Variants in ZCCHC10 observed in about 807,000 individuals in gnomAD.
ZCCHC10 encodes zinc finger CCHC domain-containing protein 10.
ZCCHC10 carries 16 observed loss-of-function variants against 19.5 expected under a neutral mutation model. The observed-to-expected ratio is 0.82, with a 90% CI of 0.56 to 1.25. ZCCHC10 has a LOEUF of 1.25. Among genes scored for constraint, ZCCHC10 ranks in the 50% most tolerant of loss-of-function variants. ZCCHC10 has a pLI of 0.00. For missense variants in ZCCHC10, 197 were observed against 201.0 expected (o/e 0.98, Z 0.12); for synonymous variants, 67 against 72.5 (o/e 0.92, Z 0.38).
intron 4 of ZCCHC10, among the ~76,000 whole-genome samples, chr5:132,999,401 C>T (rs1414287127): frequency 2.6e-5 from 4 of 152,156 alleles, no homozygotes; most frequent in African/African-American, 9.7e-5. Flanking sequence ...AGCATATCTA[C>T]TATATTACAT....
rs1764409041 is a variant in ZCCHC10 at position 133,022,829 on chromosome 5, T to A, written c.107+12A>T. The A allele has an allele frequency of 3.5e-6, 2 of 563,884 alleles. No homozygotes were observed. The highest frequency in any genetic ancestry group is 3.9e-5 in the African/African-American group (2 of 51,424). 34.9% of individuals were successfully genotyped at this position (563,884 alleles called of 1,614,324 possible). On this transcript the variant is annotated intron_variant, in intron 2 of 4. Coordinates refer to ENST00000509437, the MANE Select transcript of ZCCHC10 (RefSeq NM_001300816.3). ...ATCAAACCTGCAGTTGACACAAAGC[T>A]GAGAGGGATACCTAATAACGATGGA...
chr5:133,003,329 T>G, intron 3 of ZCCHC10: 1 of 412,384 alleles, frequency 2.4e-6, no homozygotes, highest in Admixed American at 2.6e-5. Context: ...TGAATGTGGA[T>G]TACAGCAAAT....
intron 2 of ZCCHC10, among the ~76,000 whole-genome samples, chr5:133,017,791 A>C (rs757817152): frequency 2.0e-5 from 3 of 152,194 alleles, no homozygotes; most frequent in Non-Finnish European, 4.4e-5. Flanking sequence ...TTCATTTAAC[A>C]TAAGATATAA....
intron 3 of ZCCHC10, among the ~76,000 whole-genome samples, chr5:133,001,646 G>A (rs1581374367): frequency 6.6e-6 from 1 of 151,808 alleles, no homozygotes; most frequent in Non-Finnish European, 1.5e-5. Context: ...TTGTAGAGAC[G>A]GGGTTTGACC....
rs1172354725 is a variant in ZCCHC10 at position 133,012,136 on chromosome 5, CA to C, written c.108-5217del. On this transcript the variant is annotated intron_variant, in intron 2 of 4. Coordinates refer to ENST00000509437, the MANE Select transcript of ZCCHC10 (RefSeq NM_001300816.3). ...TGAGCGACAGAGTGAGCCTCCATCTCAAAAAAAAAAAAAAAAAAAGAAAGAA... is the reference window on the plus strand; with the variant it reads ...TGAGCGACAGAGTGAGCCTCCATCTCAAAAAAAAAAAAAAAAAAGAAAGAA... Among the ~76,000 whole-genome samples the C allele has an allele frequency of 9.6e-3, 722 of 74,864 alleles. 10 individuals carry two copies. Among genetic ancestry groups the C allele is most frequent in the African/African-American group, 0.031 (605 of 19,322 alleles). The allele number at this position is 74,864 out of a possible 152,430, so 49.1% of individuals were successfully genotyped here.
At position 133,000,117 on chromosome 5, in the gene ZCCHC10, T is replaced by C; in HGVS notation, c.311+15A>G. The C allele has an allele frequency of 1.2e-6, 2 of 1,613,642 alleles. No homozygotes were observed. Among genetic ancestry groups the C allele is most frequent in the Non-Finnish European group, 1.7e-6 (2 of 1,179,796 alleles). On this transcript the variant is annotated intron_variant, in intron 4 of 4. Transcript: ENST00000509437. ...TTACATGTTATCTATAAAACACTGC[T>C]AAAACCACACATACCTTTTTTTCTT...
chr5:133,004,011 G>A (rs978708713), intron 3 of ZCCHC10, among the ~76,000 whole-genome samples: 1 of 151,864 alleles, frequency 6.6e-6, no homozygotes, highest in East Asian at 1.9e-4. Flanking sequence ...TGCCCAGTCC[G>A]GAAATGCATT....
intron 1 of ZCCHC10, among the ~76,000 whole-genome samples, chr5:133,023,339 T>A (rs749038547): frequency 6.6e-6 from 1 of 152,132 alleles, no homozygotes; most frequent in East Asian, 1.9e-4. Context: ...TAAAAATAAT[T>A]AAATCAATTA....
chr5:133,024,105 T>C (rs936637988), intron 1 of ZCCHC10, among the ~76,000 whole-genome samples: 1 of 152,248 alleles, frequency 6.6e-6, no homozygotes, highest in African/African-American at 2.4e-5. Context: ...ATGTAACTCA[T>C]GTACCAAATA....
chr5:133,016,127 G>C (rs963474161), intron 2 of ZCCHC10, among the ~76,000 whole-genome samples: 1 of 152,112 alleles, frequency 6.6e-6, no homozygotes, highest in African/African-American at 2.4e-5. Context: ...TATAGGCTCA[G>C]TTTGTATTTT....
rs1245562000 is a variant in ZCCHC10, at chr5:132,998,648, T to G, written c.514A>C (p.Ser172Arg). 1.2e-6 allele frequency: 2 copies of G among 1,614,144 alleles called. No homozygotes were observed. ...CTGCTATCTGTGCTGGTGCTACTGC[T>G]ACTGGAAGAGCTGGAATCTGAGTCT... ...DSDSDSSSSS[S>R]SSTSTDSSSD... Residue 172 changes from serine (S) to arginine (R), a missense_variant, in exon 5 of 5, where the codon AGC becomes CGC. Transcript: ENST00000509437.
intron 2 of ZCCHC10, among the ~76,000 whole-genome samples, chr5:133,013,678 C>T (rs557860262): frequency 7.9e-4 from 120 of 152,106 alleles, no homozygotes; most frequent in African/African-American, 2.5e-3. Context: ...GCCAAGATTG[C>T]GCCACTGCAT....
intron 2 of ZCCHC10, among the ~76,000 whole-genome samples, chr5:133,018,640 C>T (rs1189280315): frequency 1.3e-5 from 2 of 152,122 alleles, no homozygotes; most frequent in Non-Finnish European, 2.9e-5. Context: ...CTCAGGTGAT[C>T]CTTGGCCTCG....
rs563094951 is a variant in ZCCHC10, at chr5:133,012,265, C to T, written c.108-5345G>A. Among the ~76,000 whole-genome samples the T allele has an allele frequency of 1.3e-4, 19 of 151,282 alleles. No individual in the cohort carries two copies. The Middle Eastern group carries it at 0.011, about 85-fold the overall frequency. On this transcript the variant is annotated intron_variant, in intron 2 of 4. Transcript: ENST00000509437. ...GGCGAATCACCTGAGGCCAGGAGTT[C>T]GAGACCAGCCTGGCCAACACAGTGA...
At chr5:133,025,525 A>AG (rs1166674524) in intron 1 of ZCCHC10, among the ~76,000 whole-genome samples, 1,372 of 124,830 alleles carry the variant, frequency 0.011, 133 homozygotes, top group African/African-American at 0.039. Context: ...AAAAAAAAAA[A>AG]AAAAAAAAGA....
chr5:133,013,413 A>G (rs2126615173), intron 2 of ZCCHC10, among the ~76,000 whole-genome samples: 1 of 152,234 alleles, frequency 6.6e-6, no homozygotes, highest in South Asian at 2.1e-4. Context: ...TAGTAATAGC[A>G]AATGTTAGCA....
intron 4 of ZCCHC10, among the ~76,000 whole-genome samples, chr5:132,999,073 G>A (rs144998851): frequency 4.6e-5 from 7 of 151,962 alleles, no homozygotes; most frequent in East Asian, 1.9e-4. Flanking sequence ...GCACACCGAC[G>A]CCCAGATGAT....
rs962790554 is a variant in ZCCHC10, at chr5:132,997,847, C to A, written c.*736G>T. 6.6e-6 allele frequency: 1 copy of A among 152,094 alleles called. No homozygotes were observed. The highest frequency in any genetic ancestry group is 2.4e-5 in the African/African-American group (1 of 41,438). The allele number at this position is 152,094 out of a possible 1,614,324, so 9.4% of individuals were successfully genotyped here. ...AGTTAGCCTCTTACATGGCTGCTTT[C>A]TTTTCTGATACACTGACTTTTAACA... On this transcript the variant is annotated 3_prime_UTR_variant, in exon 5 of 5. Coordinates refer to ENST00000509437, the MANE Select transcript of ZCCHC10 (RefSeq NM_001300816.3).
chr5:133,009,943 C>T (rs143830994), intron 2 of ZCCHC10, among the ~76,000 whole-genome samples: 224 of 151,606 alleles, frequency 1.5e-3, no homozygotes, highest in African/African-American at 5.2e-3. Context: ...CATTTCTTAT[C>T]GATAAAGTGT....
Sources: gnomAD v4.1 joint callset for allele counts (sites outside exome capture counted in the v4.1 genomes callset) on GRCh38, gnomAD v4.1.1 for gene constraint, MANE v1.5 for transcripts, NCBI Gene and HGNC (gene_info 2026-07-23, HGNC 2026-07-21) for gene names.